SIK3: variants seen among roughly 807,000 people sequenced by gnomAD.
The protein encoded by SIK3 is serine/threonine-protein kinase SIK3.
Under a neutral mutation model 144.2 loss-of-function variants are expected in SIK3, and 28 were observed. That is an observed-to-expected ratio of 0.19 (90% CI 0.14 to 0.27). The LOEUF is 0.27. Among genes scored for constraint, SIK3 ranks in the 10% least tolerant of loss-of-function variants. The pLI is 1.00. For missense variants in SIK3, 1,319 were observed against 1,776.0 expected (o/e 0.74, Z 4.62); for synonymous variants, 686 against 676.3 (o/e 1.01, Z -0.22).
intron 4 of SIK3, among the ~76,000 whole-genome samples, chr11:116,897,638 C>A (rs994009362): frequency 6.6e-6 from 1 of 152,300 alleles, no homozygotes; most frequent in Admixed American, 6.5e-5. Flanking sequence ...TGCCTGTAAT[C>A]CCATCACTTT....
chr11:116,890,766 G>A (rs1415754581), intron 6 of SIK3, among the ~76,000 whole-genome samples: 1 of 152,114 alleles, frequency 6.6e-6, no homozygotes, highest in Non-Finnish European at 1.5e-5. Context: ...GGATAGGGAA[G>A]ATGTATTCTC....
chr11:117,066,347 C>T (rs937702456), intron 1 of SIK3, among the ~76,000 whole-genome samples: 4 of 151,474 alleles, frequency 2.6e-5, no homozygotes, highest in African/African-American at 7.3e-5. Flanking sequence ...GGATTACAGG[C>T]GTGAGCCACC....
chr11:116,861,786 A>G, intron 18 of SIK3, 55 bp downstream of exon 18: 1 of 1,230,616 alleles, frequency 8.1e-7, no homozygotes, highest in East Asian at 2.4e-5. Context: ...GAGTCAAGCC[A>G]AGGGTACCAG....
At position 116,848,130 on chromosome 11, in the gene SIK3, C is replaced by T. The variant is rs535474035; in HGVS notation, c.3820-522G>A. Among the ~76,000 whole-genome samples, 34 of 152,208 alleles carry T rather than the reference C, an allele frequency of 2.2e-4. 1 individual carries two copies. The highest frequency in any genetic ancestry group is 1.8e-3 in the Admixed American group (27 of 15,276). On this transcript the variant is annotated intron_variant, in intron 22 of 24. Transcript: ENST00000445177. ...GAGATCGAGACCATCCTGGCTAACA[C>T]GGTGAAACCCCGTCTCTACTAAAAA...
chr11:116,975,987 T>C (rs1227366880), intron 1 of SIK3, among the ~76,000 whole-genome samples: 1 of 152,220 alleles, frequency 6.6e-6, no homozygotes, highest in African/African-American at 2.4e-5. Context: ...TCTTTCCATG[T>C]GTTTGTGGAC....
intron 1 of SIK3, among the ~76,000 whole-genome samples, chr11:117,077,973 A>C (rs180890201): frequency 6.0e-4 from 92 of 152,294 alleles, no homozygotes; most frequent in Admixed American, 2.8e-3. Flanking sequence ...AAGTCACAAA[A>C]CCCCTATTAT....
Position 116,857,873 on chromosome 11 carries a change from C to T in SIK3, c.3592G>A (p.Gly1198Arg), listed in dbSNP as rs377137436. ...GGCTGATGACCATAGGGATGTATCC[C>T]CAATTCTTGGGCATGACTCACAGTT... ...LGTVSHAQEL[G>R]IHPYGHQPTA... The change falls in exon 21 of 25, where the codon GGG becomes AGG. Residue 1198 changes from glycine to arginine, a missense_variant. This residue lies in a region of SIK3 where 646 missense variants were observed against 763.7 expected (regional missense o/e 0.85). Transcript: ENST00000445177. 5 of 1,614,064 alleles carry T rather than the reference C, an allele frequency of 3.1e-6. No homozygotes were observed. The highest frequency in any genetic ancestry group is 3.4e-6 in the Non-Finnish European group (4 of 1,180,054).
At chr11:116,968,613 T>C (rs898837276) in intron 1 of SIK3, among the ~76,000 whole-genome samples, 1 of 152,186 alleles carries the variant, frequency 6.6e-6, no homozygotes, top group African/African-American at 2.4e-5. Context: ...TATAACAGAG[T>C]TAACATTTAA....
In SIK3 at chr11:116,843,405, G is replaced by C. The variant is rs1285983448; in HGVS notation, c.*2238C>G. 2 of 152,056 alleles carry C rather than the reference G, an allele frequency of 1.3e-5. No individual in the cohort carries two copies. Among genetic ancestry groups the C allele is most frequent in the Non-Finnish European group, 2.9e-5 (2 of 68,032 alleles). The allele number at this position is 152,056 out of a possible 1,614,324, so 9.4% of individuals were successfully genotyped here. A position where few individuals can be genotyped will look rare whatever the true frequency, so the allele number is the denominator to read the frequency against. On this transcript the variant is annotated 3_prime_UTR_variant, in exon 25 of 25. Transcript: ENST00000445177. ...ACAAAAGGCAGGACAAAAGGTCTTA[G>C]CAACTTGAGTCTGGAGATTTTTTTT...
chr11:116,960,127 T>C (rs1949286796), intron 1 of SIK3, among the ~76,000 whole-genome samples: 1 of 152,190 alleles, frequency 6.6e-6, no homozygotes, highest in Non-Finnish European at 1.5e-5. Context: ...TTGCATTGAA[T>C]ATAATCTGTT....
chr11:116,911,733 T>C (rs1285425881), intron 4 of SIK3, among the ~76,000 whole-genome samples: 1 of 152,238 alleles, frequency 6.6e-6, no homozygotes, highest in Non-Finnish European at 1.5e-5. Context: ...CTAAAATTTT[T>C]ATTTTAAGTA....
chr11:117,087,067 T>C lies in SIK3; in HGVS notation c.273+11076A>G, dbSNP rs189781239. On this transcript the variant is annotated intron_variant, in intron 1 of 24. Transcript: ENST00000445177. ...TTTCTCATTAACCTTTCTTCTTCCCTTCAGCAATTTCTCCAGTTTGGGTTT... is the reference window on the plus strand; with the variant it reads ...TTTCTCATTAACCTTTCTTCTTCCCCTCAGCAATTTCTCCAGTTTGGGTTT... Among the ~76,000 whole-genome samples, 302 of 152,112 alleles carry C rather than the reference T, an allele frequency of 2.0e-3. 1 individual carries two copies. Among genetic ancestry groups the C allele is most frequent in the African/African-American group, 6.3e-3 (260 of 41,486 alleles).
At chr11:117,038,066 T>C (rs1158343947) in intron 1 of SIK3, among the ~76,000 whole-genome samples, 1 of 152,190 alleles carries the variant, frequency 6.6e-6, no homozygotes, top group Non-Finnish European at 1.5e-5. Flanking sequence ...AGTAGAAACC[T>C]TTGCCAGAAT....
At chr11:117,033,708 T>TAAAAAAAAA (rs11347459) in intron 1 of SIK3, among the ~76,000 whole-genome samples, 3 of 91,534 alleles carry the variant, frequency 3.3e-5, no homozygotes, top group African/African-American at 7.1e-5. Flanking sequence ...AGACTCCGTC[T>TAAAAAAAAA]AAAAAAAAAA....
At chr11:116,980,199 C>T (rs555173596) in intron 1 of SIK3, among the ~76,000 whole-genome samples, 1 of 152,272 alleles carries the variant, frequency 6.6e-6, no homozygotes, top group South Asian at 2.1e-4. Flanking sequence ...ACATCATAGC[C>T]TGGTCCACCT....
chr11:116,925,870 T>TGTGTAC (rs1161522929), intron 4 of SIK3, among the ~76,000 whole-genome samples: 8 of 152,240 alleles, frequency 5.3e-5, no homozygotes, highest in South Asian at 2.1e-4. Flanking sequence ...CTTTAATTCC[T>TGTGTAC]GTGTACTCTG....
At chr11:117,008,472 A>G (rs1337245192) in intron 1 of SIK3, among the ~76,000 whole-genome samples, 1 of 152,156 alleles carries the variant, frequency 6.6e-6, no homozygotes, top group African/African-American at 2.4e-5. Context: ...GGCAAAAGAG[A>G]AAAGTCAAAA....
At chr11:116,861,775 T>G (rs1943342851) in intron 18 of SIK3, 66 bp downstream of exon 18, 2 of 1,049,470 alleles carry the variant, frequency 1.9e-6, no homozygotes, top group South Asian at 1.4e-5. Context: ...TATCTCCCAG[T>G]GAGTCAAGCC....
chr11:116,910,289 T>C (rs1946270870), intron 4 of SIK3, among the ~76,000 whole-genome samples: 1 of 151,804 alleles, frequency 6.6e-6, no homozygotes, highest in Non-Finnish European at 1.5e-5. Context: ...ATATGTAAAC[T>C]ATCAAATGAA....
Sources: gnomAD v4.1 joint callset for allele counts (sites outside exome capture counted in the v4.1 genomes callset) on GRCh38, gnomAD v4.1.1 for gene constraint, gnomAD v4.1.1 regional missense constraint, MANE v1.5 for transcripts, NCBI Gene and HGNC (gene_info 2026-07-23, HGNC 2026-07-21) for gene names.